Variants in ZNF600 observed in about 807,000 individuals in gnomAD.
ZNF600 encodes zinc finger protein 600.
ZNF600 carries 4 observed loss-of-function variants against 7.3 expected under a neutral mutation model. The observed-to-expected ratio is 0.55, with a 90% CI of 0.27 to 1.25. The LOEUF (loss-of-function observed/expected upper bound fraction) is 1.25. ZNF600 is among the 50% of genes most tolerant of loss of function. The pLI is 0.12. For missense variants in ZNF600, 911 were observed against 922.1 expected (o/e 0.99, Z 0.16); for synonymous variants, 290 against 308.9 (o/e 0.94, Z 0.64).
chr19:52,789,331 C>T (rs2062785806), upstream of ZNF600, among the ~76,000 whole-genome samples: 1 of 152,154 alleles, frequency 6.6e-6, no homozygotes, highest in South Asian at 2.1e-4. Flanking sequence ...TGTCACAGAG[C>T]TCCTGGGACT....
chr19:52,818,891 A>G, the ZNF600 span, among the ~76,000 whole-genome samples: 492 of 33,100 alleles, frequency 0.015, 38 homozygotes, highest in Non-Finnish European at 0.027. Flanking sequence ...TTGGGAAAAA[A>G]AAAAAAAAAA....
the ZNF600 span, chr19:52,801,148 G>GT: frequency 1.2e-4 from 197 of 1,613,818 alleles, no homozygotes; most frequent in Admixed American, 3.1e-3. Context: ...GTTATCTGAT[G>GT]TTTTTTTAAA....
At position 52,781,314 on chromosome 19, in the gene ZNF600, C is replaced by T. The variant is rs1413214806; in HGVS notation, c.-19-2407G>A. The T allele has an allele frequency of 9.2e-5, 14 of 152,108 alleles. No individual in the cohort carries two copies. In the East Asian group the frequency reaches 2.5e-3, roughly 27 times the overall value. 9.4% of individuals were successfully genotyped at this position (152,108 alleles called of 1,614,324 possible). A position where few individuals can be genotyped will look rare whatever the true frequency, so the allele number is the denominator to read the frequency against. On this transcript the variant is annotated intron_variant, in intron 1 of 3. Transcript: ENST00000648973. The stretch of plus-strand genomic sequence containing the variant: ...ACTGAGCTTTTCCGGTCTTATTCCT[C>T]ACCTCTATGTTACAGGTGGGCTCAC...
the ZNF600 span, chr19:52,809,836 G>GCGGCGT: frequency 1.8e-6 from 1 of 562,028 alleles, no homozygotes; most frequent in Non-Finnish European, 3.1e-6. Context: ...GGCGGCGGCG[G>GCGGCGT]CGGTGGCGGT....
chr19:52,809,316 C>T, the ZNF600 span, among the ~76,000 whole-genome samples: 1 of 152,212 alleles, frequency 6.6e-6, no homozygotes, highest in Non-Finnish European at 1.5e-5. Context: ...GCAAAGGACA[C>T]ATGTGTTGTC....
the ZNF600 span, among the ~76,000 whole-genome samples, chr19:52,796,969 T>C: frequency 6.6e-6 from 1 of 152,212 alleles, no homozygotes; most frequent in Non-Finnish European, 1.5e-5. Flanking sequence ...CATGTATTTT[T>C]TCATGAACTT....
intron 2 of ZNF600, among the ~76,000 whole-genome samples, chr19:52,777,874 A>G (rs762431014): frequency 3.9e-5 from 6 of 152,124 alleles, no homozygotes; most frequent in Non-Finnish European, 8.8e-5. Context: ...ATACATACAT[A>G]CGGTGACCCA....
At chr19:52,779,437 A>AG (rs1486277507) in intron 1 of ZNF600, among the ~76,000 whole-genome samples, 4 of 152,196 alleles carry the variant, frequency 2.6e-5, no homozygotes, top group Non-Finnish European at 4.4e-5. Flanking sequence ...CTCCACTCAG[A>AG]GGGGGCGAGC....
the ZNF600 span, among the ~76,000 whole-genome samples, chr19:52,809,263 C>T: frequency 6.6e-6 from 1 of 152,112 alleles, no homozygotes; most frequent in Non-Finnish European, 1.5e-5. Flanking sequence ...TGCGGACGTG[C>T]ACAGAGGCAG....
chr19:52,831,007 C>A, the ZNF600 span, among the ~76,000 whole-genome samples: 9 of 151,596 alleles, frequency 5.9e-5, no homozygotes, highest in Admixed American at 1.3e-4. Context: ...CAAGAATGAA[C>A]GAGATCCAAA....
chr19:52,824,821 T>G, the ZNF600 span, among the ~76,000 whole-genome samples: 2 of 151,926 alleles, frequency 1.3e-5, no homozygotes, highest in Non-Finnish European at 2.9e-5. Context: ...TACAAAGAGA[T>G]AACGTGGATG....
chr19:52,819,642 T>G, the ZNF600 span, among the ~76,000 whole-genome samples: 115 of 134,730 alleles, frequency 8.5e-4, 12 homozygotes, highest in South Asian at 0.013. Context: ...AGGTCTGAGA[T>G]GAGTGAGAAG....
At chr19:52,830,372 C>A in the ZNF600 span, among the ~76,000 whole-genome samples, 1 of 151,938 alleles carries the variant, frequency 6.6e-6, no homozygotes, top group Non-Finnish European at 1.5e-5. Flanking sequence ...CGTACATGAC[C>A]CCAATTTGCA....
chr19:52,783,966 C>T (rs944552948), intron 1 of ZNF600, among the ~76,000 whole-genome samples: 1 of 152,144 alleles, frequency 6.6e-6, no homozygotes, highest in African/African-American at 2.4e-5. Flanking sequence ...CCCAGCTACT[C>T]GGGGGAAGTA....
chr19:52,791,769 A>C (rs1479901073), upstream of ZNF600, among the ~76,000 whole-genome samples: 1 of 152,120 alleles, frequency 6.6e-6, no homozygotes, highest in Non-Finnish European at 1.5e-5. Flanking sequence ...TGGTCTTCAG[A>C]TCTCGCCCCC....
intron 1 of ZNF600, 148 bp downstream of exon 1, chr19:52,786,447 C>G (rs1568637249): frequency 6.6e-6 from 1 of 152,506 alleles, no homozygotes; most frequent in Non-Finnish European, 1.5e-5. Context: ...CTTTAAAAAG[C>G]ACGGGGCGGG....
the ZNF600 span, chr19:52,810,530 C>G: frequency 1.4e-5 from 22 of 1,596,518 alleles, no homozygotes; most frequent in Middle Eastern, 8.3e-4. Context: ...GATCCCAAAG[C>G]GAACCAACAG....
the ZNF600 span, among the ~76,000 whole-genome samples, chr19:52,791,941 C>CA: frequency 5.9e-5 from 9 of 152,222 alleles, no homozygotes; most frequent in Admixed American, 5.9e-4. Flanking sequence ...ATGGAGGACT[C>CA]AGAGCTTCGA....
At chr19:52,783,545 TAG>T (rs1328540490) in intron 1 of ZNF600, among the ~76,000 whole-genome samples, 2 of 152,052 alleles carry the variant, frequency 1.3e-5, no homozygotes, top group Non-Finnish European at 2.9e-5. Flanking sequence ...GTTTTCTTAG[TAG>T]AGACAGGGTT....
Sources: allele counts gnomAD v4.1 joint callset (sites outside exome capture counted in the v4.1 genomes callset), GRCh38; gene constraint gnomAD v4.1.1; transcripts MANE v1.5; gene names NCBI Gene and HGNC (gene_info 2026-07-23, HGNC 2026-07-21).